BCKDHB: variants seen among roughly 807,000 people sequenced by gnomAD.
BCKDHB encodes the protein branched chain keto acid dehydrogenase E1 subunit beta.
A neutral mutation model predicts 48.5 loss-of-function variants in BCKDHB; 41 were observed. The ratio of observed to expected loss-of-function variants is 0.85; its 90% CI spans 0.66 to 1.10. The LOEUF is 1.10. BCKDHB is among the 50% of genes least tolerant of loss of function. BCKDHB has a pLI of 0.00. For missense variants in BCKDHB, 496 were observed against 494.2 expected (o/e 1.00, Z -0.03); for synonymous variants, 201 against 174.8 (o/e 1.15, Z -1.18).
At chr6:80,192,380 C>T (rs1330184878) in intron 6 of BCKDHB, among the ~76,000 whole-genome samples, 1 of 151,778 alleles carries the variant, frequency 6.6e-6, no homozygotes, top group Non-Finnish European at 1.5e-5. Flanking sequence ...TTCCAATTTA[C>T]CTTGTAAAAT....
intron 6 of BCKDHB, among the ~76,000 whole-genome samples, chr6:80,195,801 A>C (rs963343279): frequency 1.3e-5 from 2 of 152,142 alleles, no homozygotes; most frequent in Non-Finnish European, 2.9e-5. Flanking sequence ...CGCCCCTCCT[A>C]CCTTTCCCCA....
At chr6:80,465,108 A>G in the BCKDHB span, among the ~76,000 whole-genome samples, 1 of 152,162 alleles carries the variant, frequency 6.6e-6, no homozygotes, top group Non-Finnish European at 1.5e-5. Flanking sequence ...CAGCTCCTTT[A>G]GCAGCCTCCT....
the BCKDHB span, among the ~76,000 whole-genome samples, chr6:80,454,600 T>C: frequency 1.3e-5 from 2 of 152,224 alleles, no homozygotes; most frequent in Non-Finnish European, 2.9e-5. Context: ...GCAGACCTCA[T>C]GGCCTCTGAT....
the BCKDHB span, among the ~76,000 whole-genome samples, chr6:80,396,959 G>A: frequency 0.1 from 15,767 of 152,134 alleles, 2,368 homozygotes; most frequent in African/African-American, 0.33. Context: ...CCAAGTTAGA[G>A]GAAAAGGGGG....
intron 9 of BCKDHB, among the ~76,000 whole-genome samples, chr6:80,291,946 T>C (rs1265373507): frequency 2.0e-5 from 3 of 152,222 alleles, no homozygotes; most frequent in Admixed American, 2.0e-4. Context: ...TTGATGGAAC[T>C]CTGTTCCATG....
chr6:80,117,130 A>G (rs1447810348), intron 1 of BCKDHB, among the ~76,000 whole-genome samples: 1 of 152,236 alleles, frequency 6.6e-6, no homozygotes, highest in African/African-American at 2.4e-5. Flanking sequence ...TAAAACTTAG[A>G]AAAGTATCTG....
At chr6:80,121,989 T>C (rs971785468) in intron 1 of BCKDHB, among the ~76,000 whole-genome samples, 3 of 152,234 alleles carry the variant, frequency 2.0e-5, no homozygotes, top group African/African-American at 7.2e-5. Flanking sequence ...GCTGTGGGTT[T>C]GTCATAAATA....
the BCKDHB span, chr6:80,374,509 T>C: frequency 1.4e-6 from 1 of 737,410 alleles, no homozygotes; most frequent in African/African-American, 1.7e-5. Flanking sequence ...ATACAAAGAT[T>C]GGAACCTCTT....
At chr6:80,193,493 C>T (rs1274558251) in intron 6 of BCKDHB, among the ~76,000 whole-genome samples, 3 of 151,976 alleles carry the variant, frequency 2.0e-5, no homozygotes, top group African/African-American at 4.8e-5. Flanking sequence ...CCGAGGCTGA[C>T]GAATCACCTG....
chr6:80,256,194 G>A (rs1777042654), intron 8 of BCKDHB, among the ~76,000 whole-genome samples: 1 of 152,106 alleles, frequency 6.6e-6, no homozygotes. Context: ...ATGTTTCTTT[G>A]TATATACACA....
rs1215666594 is a variant in BCKDHB at position 80,230,023 on chromosome 6, G to GTTTTT, written c.951+26813_951+26814insTTTTT. Among the ~76,000 whole-genome samples the GTTTTT allele has an allele frequency of 6.3e-4, 56 of 89,458 alleles. 1 individual carries two copies. Among genetic ancestry groups the GTTTTT allele is most frequent in the African/African-American group, 1.9e-3 (33 of 17,630 alleles). The allele number at this position is 89,458 out of a possible 152,430, so 58.7% of individuals were successfully genotyped here. On this transcript the variant is annotated intron_variant, in intron 8 of 9. Transcript: ENST00000320393. The stretch of plus-strand genomic sequence containing the variant: ...ATTTGAATTCCAAAGGGGTTTTTAG[G>GTTTTT]TTGTTTTTTTTTTTTTTTTTTTTTT...
rs147438074 is a variant in BCKDHB, at chr6:80,113,716, A to G, written c.196+6827A>G. Among the ~76,000 whole-genome samples the G allele has an allele frequency of 2.3e-3, 348 of 152,354 alleles. 3 individuals are homozygous for G. Among genetic ancestry groups the G allele is most frequent in the Admixed American group, 3.5e-3 (53 of 15,304 alleles). ...ATTGGACAAAAGGCACAAAGAAAAC[A>G]AGGAAAAAATGAAGCAACAAAAGCC... On this transcript the variant is annotated intron_variant, in intron 1 of 9. Transcript: ENST00000320393.
chr6:80,160,920 C>T (rs1772280720), intron 3 of BCKDHB, among the ~76,000 whole-genome samples: 1 of 152,136 alleles, frequency 6.6e-6, no homozygotes, highest in Non-Finnish European at 1.5e-5. Context: ...TACTATTGAT[C>T]AGCAACAAGT....
At chr6:80,376,007 C>CCCTAGGATTA in the BCKDHB span, among the ~76,000 whole-genome samples, 2 of 152,080 alleles carry the variant, frequency 1.3e-5, no homozygotes, top group Admixed American at 1.3e-4. Context: ...TACAACCTTG[C>CCCTAGGATTA]CCTAGGATTA....
At position 80,344,763 on chromosome 6, in the gene BCKDHB, C is replaced by G. The variant is rs1770112104; in HGVS notation, c.*959C>G. ...GCAAGTGTACTTTATACCATTGTTT[C>G]AACTTCAACCTTTATTTTTGTATAT... On this transcript the variant is annotated 3_prime_UTR_variant, in exon 10 of 10. Coordinates refer to ENST00000320393, the MANE Select transcript of BCKDHB (RefSeq NM_183050.4). 1 of 152,178 alleles carries G rather than the reference C, an allele frequency of 6.6e-6. No individual in the cohort carries two copies. The highest frequency in any genetic ancestry group is 6.5e-5 in the Admixed American group (1 of 15,274). 9.4% of individuals were successfully genotyped at this position (152,178 alleles called of 1,614,324 possible). A position where few individuals can be genotyped will look rare whatever the true frequency, so the allele number is the denominator to read the frequency against.
At chr6:80,457,805 A>G in the BCKDHB span, among the ~76,000 whole-genome samples, 1 of 152,204 alleles carries the variant, frequency 6.6e-6, no homozygotes, top group African/African-American at 2.4e-5. Context: ...CAAATTGCAA[A>G]GACTCAAAAG....
intron 9 of BCKDHB, among the ~76,000 whole-genome samples, chr6:80,322,238 C>CTTTTTTTTTTTTTTTTTTTTTTT (rs776940885): frequency 8.6e-6 from 1 of 116,662 alleles, no homozygotes. Context: ...TCTTTCTTTT[C>CTTTTTTTTTTTTTTTTTTTTTTT]TTTTTTTTTT....
chr6:80,423,870 C>A, the BCKDHB span, among the ~76,000 whole-genome samples: 1 of 152,074 alleles, frequency 6.6e-6, no homozygotes, highest in Non-Finnish European at 1.5e-5. Context: ...TGATTTCATG[C>A]CTGATTGTTT....
chr6:80,464,462 C>T, the BCKDHB span, among the ~76,000 whole-genome samples: 136,044 of 152,176 alleles, frequency 0.89, 61,021 homozygotes, highest in East Asian at 0.95. Flanking sequence ...CTTAGCTCTA[C>T]TAATTATTAT....
Sources: allele counts gnomAD v4.1 joint callset (sites outside exome capture counted in the v4.1 genomes callset), GRCh38; gene constraint gnomAD v4.1.1; transcripts MANE v1.5; gene names NCBI Gene and HGNC (gene_info 2026-07-23, HGNC 2026-07-21).